Variants in DYRK1A observed in about 807,000 individuals in gnomAD.
DYRK1A encodes the protein dual specificity tyrosine phosphorylation regulated kinase 1A.
DYRK1A carries 9 observed loss-of-function variants against 79.7 expected under a neutral mutation model. That is an observed-to-expected ratio of 0.11 (90% CI 0.07 to 0.20). The LOEUF is 0.20. DYRK1A is among the 10% of genes least tolerant of loss of function. The pLI, the probability that DYRK1A is intolerant of heterozygous loss-of-function variation, is 1.00. For missense variants in DYRK1A, 622 were observed against 956.0 expected, an observed-to-expected ratio of 0.65 and a Z score of 4.61; for synonymous variants, 349 against 329.7, an observed-to-expected ratio of 1.06 and a Z score of -0.63.
chr21:37,401,497 T>G (rs77900615), intron 1 of DYRK1A, among the ~76,000 whole-genome samples: 5 of 149,852 alleles, frequency 3.3e-5, no homozygotes, highest in South Asian at 2.1e-4. Context: ...TTTTTTTTTT[T>G]GGGAGACAGA....
rs577437908 is a variant in DYRK1A, at chr21:37,441,360, G to A, written c.10+20976G>A. On this transcript the variant is annotated intron_variant, in intron 2 of 11. Coordinates refer to ENST00000647188, the MANE Select transcript of DYRK1A (RefSeq NM_001347721.2). Reference sequence around the variant, plus strand: ...CTGAAATCTCTGCTTCTCATTTGAGGTATTTAGATCATTTGTGTTTAATGT... The same window carrying A: ...CTGAAATCTCTGCTTCTCATTTGAGATATTTAGATCATTTGTGTTTAATGT... Among the ~76,000 whole-genome samples, 105 of 152,094 alleles carry A rather than the reference G, an allele frequency of 6.9e-4. 1 individual carries two copies. Among genetic ancestry groups the A allele is most frequent in the African/African-American group, 2.4e-3 (101 of 41,510 alleles).
rs760576043 is a variant in DYRK1A, at chr21:37,512,066, TCACCACCAC to T, written c.1809_1817del (p.His608_His610del). 14 of 1,613,838 alleles carry T rather than the reference TCACCACCAC, an allele frequency of 8.7e-6. No individual in the cohort carries two copies. Among genetic ancestry groups the T allele is most frequent in the Middle Eastern group, 1.6e-4 (1 of 6,062 alleles). On this transcript the variant is annotated inframe_deletion, in exon 12 of 12. Coordinates refer to ENST00000647188, the MANE Select transcript of DYRK1A (RefSeq NM_001347721.2). ...ACCATGGTAACAGTTCCCATCACCATCACCACCACCACCACCATCACCACCACCATGGAC... is the reference window on the plus strand; with the variant it reads ...ACCATGGTAACAGTTCCCATCACCATCACCACCATCACCACCACCATGGAC...
chr21:37,471,774 G>A (rs193149173), intron 2 of DYRK1A, among the ~76,000 whole-genome samples: 7 of 152,186 alleles, frequency 4.6e-5, no homozygotes, highest in African/African-American at 9.7e-5. Context: ...GCTACTGAGC[G>A]TTATGGTCGG....
intron 1 of DYRK1A, among the ~76,000 whole-genome samples, chr21:37,375,607 C>T (rs11702136): frequency 0.078 from 11,143 of 142,416 alleles, 618 homozygotes; most frequent in Non-Finnish European, 0.11. Context: ...CTCACTGCAA[C>T]CTCCGCCTTC....
chr21:37,484,905 G>A (rs898141924), intron 5 of DYRK1A, among the ~76,000 whole-genome samples: 3 of 152,118 alleles, frequency 2.0e-5, no homozygotes, highest in Non-Finnish European at 4.4e-5. Context: ...CAGTGTCCAC[G>A]TTGAGGTTCA....
chr21:37,381,659 G>A (rs545836195), intron 1 of DYRK1A, among the ~76,000 whole-genome samples: 2 of 152,274 alleles, frequency 1.3e-5, no homozygotes, highest in African/African-American at 4.8e-5. Flanking sequence ...GCCAGGTGTG[G>A]TGGTCCGCAG....
chr21:37,407,090 T>A (rs1236576032), intron 1 of DYRK1A, among the ~76,000 whole-genome samples: 1 of 152,128 alleles, frequency 6.6e-6, no homozygotes, highest in Non-Finnish European at 1.5e-5. Flanking sequence ...GTGCTCATAT[T>A]CTTGTTATAC....
chr21:37,464,300 T>C (rs781429495), intron 2 of DYRK1A: 4 of 501,856 alleles, frequency 8.0e-6, no homozygotes, highest in Middle Eastern at 3.2e-4. Flanking sequence ...TAATATGGTC[T>C]CTAGTTATTA....
At chr21:37,480,385 A>G (rs2052593832) in intron 4 of DYRK1A, among the ~76,000 whole-genome samples, 1 of 152,226 alleles carries the variant, frequency 6.6e-6, no homozygotes, top group African/African-American at 2.4e-5. Flanking sequence ...ACAAATAAAT[A>G]TAAACCAGGT....
In DYRK1A at chr21:37,514,966, C is replaced by T. The variant is rs955626506; in HGVS notation, c.*2435C>T. 1.3e-5 allele frequency: 2 copies of T among 152,524 alleles called. No individual in the cohort carries two copies. The highest frequency in any genetic ancestry group is 4.8e-5 in the African/African-American group (2 of 41,414). The allele number at this position is 152,524 out of a possible 1,614,324, so 9.4% of individuals were successfully genotyped here. A position where few individuals can be genotyped will look rare whatever the true frequency, so the allele number is the denominator to read the frequency against. On this transcript the variant is annotated 3_prime_UTR_variant, in exon 12 of 12. Transcript: ENST00000647188. The stretch of plus-strand genomic sequence containing the variant: ...CTGCATACTGTGTTATGTTACAGTC[C>T]AGTTTTGTGTGCTTTACTACACAGT...
chr21:37,441,543 G>T (rs1399146327), intron 2 of DYRK1A, among the ~76,000 whole-genome samples: 1 of 151,560 alleles, frequency 6.6e-6, no homozygotes, highest in Non-Finnish European at 1.5e-5. Flanking sequence ...CCTTTTATTG[G>T]TTTATTCATT....
intron 3 of DYRK1A, among the ~76,000 whole-genome samples, chr21:37,477,369 G>A (rs981103782): frequency 6.6e-6 from 1 of 152,150 alleles, no homozygotes; most frequent in Non-Finnish European, 1.5e-5. Flanking sequence ...ACCCCCATTG[G>A]GAATCCTTTG....
intron 2 of DYRK1A, among the ~76,000 whole-genome samples, chr21:37,470,949 T>C (rs747154909): frequency 4.6e-5 from 7 of 152,244 alleles, no homozygotes; most frequent in Non-Finnish European, 5.9e-5. Context: ...CTTTTACTTA[T>C]TTAATAAACA....
intron 1 of DYRK1A, among the ~76,000 whole-genome samples, chr21:37,404,021 A>C (rs1187742770): frequency 2.6e-5 from 4 of 151,906 alleles, no homozygotes; most frequent in Non-Finnish European, 5.9e-5. Flanking sequence ...CATTATTGGT[A>C]CTGGTTTGGA....
At chr21:37,376,868 C>G (rs868335831) in intron 1 of DYRK1A, among the ~76,000 whole-genome samples, 1 of 152,110 alleles carries the variant, frequency 6.6e-6, no homozygotes, top group South Asian at 2.1e-4. Flanking sequence ...TCATTTCCCC[C>G]TTCTCATGTT....
At chr21:37,459,469 G>C (rs1027676219) in intron 2 of DYRK1A, among the ~76,000 whole-genome samples, 2 of 152,096 alleles carry the variant, frequency 1.3e-5, no homozygotes, top group African/African-American at 4.8e-5. Flanking sequence ...ATGCCCGATG[G>C]AGTAATCATC....
Position 37,512,234 on chromosome 21 carries a change from C to T in DYRK1A, c.1968C>T (p.Ser656=), listed in dbSNP as rs752369735. 21 of 1,614,220 alleles carry T rather than the reference C, an allele frequency of 1.3e-5. No individual in the cohort carries two copies. The African/African-American group carries it at 2.5e-4, about 19-fold the overall frequency. ...MTSLSSSTTS[S]STSSSSTGNQ... ...CCCTGTCTTCCTCAACGACTTCTTCCTCGACATCTTCCTCCTCTACTGGTA... is the reference window on the plus strand; with the variant it reads ...CCCTGTCTTCCTCAACGACTTCTTCTTCGACATCTTCCTCCTCTACTGGTA... Residue 656 remains serine (S), a synonymous_variant, in exon 12 of 12, where the codon TCC becomes TCT. Transcript: ENST00000647188.
At chr21:37,376,525 T>A (rs373501199) in intron 1 of DYRK1A, among the ~76,000 whole-genome samples, 31 of 152,164 alleles carry the variant, frequency 2.0e-4, no homozygotes, top group African/African-American at 6.7e-4. Flanking sequence ...GTTTAAGAAA[T>A]ATCACCTTGT....
chr21:37,512,139 A>G lies in DYRK1A; in HGVS notation c.1873A>G (p.Asn625Asp), dbSNP rs780778253. ...TAACCGGACCAGGCCAAGGGTCTACAATTCTCCAACGAATAGCTCCTCTAC... is the reference window on the plus strand; with the variant it reads ...TAACCGGACCAGGCCAAGGGTCTACGATTCTCCAACGAATAGCTCCTCTAC... ...LGNRTRPRVY[N>D]SPTNSSSTQD... is the part of the protein sequence containing the mutation. The change falls in exon 12 of 12, where the codon AAT (asparagine) becomes GAT (aspartate). Residue 625 changes from asparagine to aspartate, a missense_variant. Transcript: ENST00000647188. 6.2e-7 allele frequency: 1 copy of G among 1,614,060 alleles called. No individual in the cohort carries two copies. The highest frequency in any genetic ancestry group is 2.2e-5 in the East Asian group (1 of 44,896).
Sources: gnomAD v4.1 joint callset for allele counts (sites outside exome capture counted in the v4.1 genomes callset) on GRCh38, gnomAD v4.1.1 for gene constraint, MANE v1.5 for transcripts, NCBI Gene and HGNC (gene_info 2026-07-23, HGNC 2026-07-21) for gene names.